CTNND2: variants seen among roughly 807,000 people sequenced by gnomAD.
CTNND2 encodes the protein catenin delta-2.
In CTNND2, 22 loss-of-function variants were observed where a neutral mutation model predicts 144.4. The ratio of observed to expected loss-of-function variants is 0.15; its 90% CI spans 0.11 to 0.22. CTNND2 has a LOEUF of 0.22. Ranked by LOEUF, CTNND2 falls within the 10% of genes least tolerant of loss-of-function variation. The pLI is 1.00. For missense variants in CTNND2, 1,353 were observed against 1,618.8 expected (o/e 0.84, Z 2.82); for synonymous variants, 751 against 695.6 (o/e 1.08, Z -1.25).
chr5:11,134,186 AG>A (rs1358313441), intron 12 of CTNND2, among the ~76,000 whole-genome samples: 1 of 152,184 alleles, frequency 6.6e-6, no homozygotes, highest in East Asian at 1.9e-4. Flanking sequence ...GGTGGCTTTA[AG>A]GATGAAGGAA....
At chr5:11,653,326 T>C (rs1447017862) in intron 2 of CTNND2, among the ~76,000 whole-genome samples, 2 of 152,104 alleles carry the variant, frequency 1.3e-5, no homozygotes, top group Non-Finnish European at 2.9e-5. Context: ...GAAAATGCCA[T>C]GCCCTAATGT....
chr5:11,754,367 T>C (rs1015110703), intron 1 of CTNND2, among the ~76,000 whole-genome samples: 2 of 151,348 alleles, frequency 1.3e-5, no homozygotes, highest in African/African-American at 4.8e-5. Context: ...AATTCTGATA[T>C]GTTTTATCTT....
intron 11 of CTNND2, among the ~76,000 whole-genome samples, chr5:11,165,632 T>A (rs1560955452): frequency 6.6e-6 from 1 of 152,198 alleles, no homozygotes; most frequent in Non-Finnish European, 1.5e-5. Flanking sequence ...CTGTTCCAAA[T>A]ATAATTTTGA....
intron 2 of CTNND2, among the ~76,000 whole-genome samples, chr5:11,662,434 G>A (rs1783321288): frequency 6.6e-6 from 1 of 151,740 alleles, no homozygotes; most frequent in Admixed American, 6.6e-5. Flanking sequence ...CAATGTTTGA[G>A]GGCAGGAAGT....
At chr5:11,260,911 G>T (rs1184306879) in intron 9 of CTNND2, among the ~76,000 whole-genome samples, 3 of 152,140 alleles carry the variant, frequency 2.0e-5, no homozygotes, top group Non-Finnish European at 4.4e-5. Context: ...TCCATACAAA[G>T]GTTATTAAAT....
intron 1 of CTNND2, among the ~76,000 whole-genome samples, chr5:11,784,129 A>T (rs1790704754): frequency 6.6e-6 from 1 of 152,212 alleles, no homozygotes; most frequent in South Asian, 2.1e-4. Flanking sequence ...GGACAAATAC[A>T]AACTGGATAC....
At chr5:11,629,333 A>T (rs916053937) in intron 2 of CTNND2, among the ~76,000 whole-genome samples, 7 of 152,184 alleles carry the variant, frequency 4.6e-5, no homozygotes, top group African/African-American at 1.7e-4. Flanking sequence ...AAAGATACAC[A>T]GGAGGTAGAA....
chr5:11,720,031 C>T (rs1054235743), intron 2 of CTNND2, among the ~76,000 whole-genome samples: 6 of 152,138 alleles, frequency 3.9e-5, no homozygotes, highest in African/African-American at 1.2e-4. Flanking sequence ...AAAAGAATTG[C>T]ATCTCAGCAC....
chr5:11,661,496 T>A (rs889047271), intron 2 of CTNND2, among the ~76,000 whole-genome samples: 1 of 152,196 alleles, frequency 6.6e-6, no homozygotes, highest in African/African-American at 2.4e-5. Context: ...ATAAGCGATC[T>A]AAGATGTCTT....
rs573128815 is a variant in CTNND2, at chr5:11,310,252, T to G, written c.1628+36120A>C. ...GCTCATGGGGTCTGACAGCTTTTAG[T>G]GTGTTGTTCATTACATCCTCAGTGC... On this transcript the variant is annotated intron_variant, in intron 9 of 21. Transcript: ENST00000304623. 2.0e-5 allele frequency among the ~76,000 whole-genome samples: 3 copies of G among 152,176 alleles called. No homozygotes were observed. In the South Asian group the frequency reaches 6.2e-4, roughly 32 times the overall value.
chr5:11,419,126 G>A (rs1052367028), intron 3 of CTNND2, among the ~76,000 whole-genome samples: 2 of 151,566 alleles, frequency 1.3e-5, no homozygotes, highest in East Asian at 1.9e-4. Flanking sequence ...CAAGATGGTG[G>A]TGGTGGCTCT....
At chr5:11,729,573 G>T (rs998558372) in intron 2 of CTNND2, among the ~76,000 whole-genome samples, 1 of 152,024 alleles carries the variant, frequency 6.6e-6, no homozygotes, top group African/African-American at 2.4e-5. Flanking sequence ...TTTATAGAAA[G>T]AATATAACAT....
intron 7 of CTNND2, among the ~76,000 whole-genome samples, chr5:11,382,681 T>C (rs1758640686): frequency 6.6e-6 from 1 of 151,240 alleles, no homozygotes; most frequent in Non-Finnish European, 1.5e-5. Flanking sequence ...CTACATATCC[T>C]GTATCCACCC....
intron 1 of CTNND2, among the ~76,000 whole-genome samples, chr5:11,851,890 G>A (rs553709819): frequency 4.6e-5 from 7 of 152,290 alleles, no homozygotes; most frequent in East Asian, 3.9e-4. Flanking sequence ...AAATGCAGTC[G>A]ATGCTTTCTA....
intron 18 of CTNND2, among the ~76,000 whole-genome samples, chr5:10,998,982 C>A (rs1739642901): frequency 6.6e-6 from 1 of 152,170 alleles, no homozygotes; most frequent in African/African-American, 2.4e-5. Context: ...GTCATGGAAA[C>A]TCATGGAACA....
intron 12 of CTNND2, among the ~76,000 whole-genome samples, chr5:11,120,525 T>C (rs1322434697): frequency 4.0e-4 from 27 of 67,476 alleles, no homozygotes; most frequent in African/African-American, 1.2e-3. Flanking sequence ...AGTATACATA[T>C]AGACTTCAAG....
intron 2 of CTNND2, among the ~76,000 whole-genome samples, chr5:11,708,857 C>A (rs1333025093): frequency 6.6e-6 from 1 of 152,170 alleles, no homozygotes; most frequent in Non-Finnish European, 1.5e-5. Flanking sequence ...CACAGGCATC[C>A]ACTGATGGGA....
At chr5:11,604,192 T>C (rs1241963000) in intron 2 of CTNND2, among the ~76,000 whole-genome samples, 7 of 152,194 alleles carry the variant, frequency 4.6e-5, no homozygotes, top group Admixed American at 6.5e-5. Context: ...ATGTGGTTTA[T>C]GGGGAGTGAG....
intron 2 of CTNND2, among the ~76,000 whole-genome samples, chr5:11,601,633 T>C (rs949098897): frequency 1.3e-5 from 2 of 152,140 alleles, no homozygotes; most frequent in Admixed American, 1.3e-4. Context: ...GAATATGTCA[T>C]AATAATACAT....
Sources: gnomAD v4.1 joint callset for allele counts (sites outside exome capture counted in the v4.1 genomes callset) on GRCh38, gnomAD v4.1.1 for gene constraint, MANE v1.5 for transcripts, NCBI Gene and HGNC (gene_info 2026-07-23, HGNC 2026-07-21) for gene names.